BCAS1: variants seen among roughly 807,000 people sequenced by gnomAD.
The protein encoded by BCAS1 is breast carcinoma-amplified sequence 1.
A neutral mutation model predicts 65.4 loss-of-function variants in BCAS1; 46 were observed. That is an observed-to-expected ratio of 0.70 (90% CI 0.55 to 0.90). The LOEUF (loss-of-function observed/expected upper bound fraction) is 0.90. Ranked by LOEUF, BCAS1 falls within the 40% of genes least tolerant of loss-of-function variation. The pLI, the probability that BCAS1 is intolerant of heterozygous loss-of-function variation, is 0.00. For missense variants in BCAS1, 793 were observed against 771.2 expected (o/e 1.03, Z -0.33); for synonymous variants, 298 against 293.5 (o/e 1.02, Z -0.16).
At chr20:54,041,767 C>T (rs891388051) in intron 3 of BCAS1, among the ~76,000 whole-genome samples, 1 of 151,340 alleles carries the variant, frequency 6.6e-6, no homozygotes, top group Non-Finnish European at 1.5e-5. Context: ...GGCGTAGTGG[C>T]GGGCGCCTGT....
chr20:54,044,893 T>G (rs2092071462), intron 3 of BCAS1, among the ~76,000 whole-genome samples: 1 of 150,908 alleles, frequency 6.6e-6, no homozygotes. Context: ...ACTTTTAATA[T>G]TGGATAAACA....
intron 7 of BCAS1, among the ~76,000 whole-genome samples, chr20:53,990,024 T>C (rs1391345076): frequency 6.6e-6 from 1 of 152,244 alleles, no homozygotes; most frequent in Non-Finnish European, 1.5e-5. Context: ...GGAGATTGTA[T>C]GTCAAATGAC....
intron 4 of BCAS1, among the ~76,000 whole-genome samples, chr20:54,005,935 G>T (rs1190292683): frequency 6.6e-6 from 1 of 152,116 alleles, no homozygotes; most frequent in East Asian, 1.9e-4. Context: ...AGGTATGGGG[G>T]TTATGAAAAG....
intron 6 of BCAS1, 65 bp from the exon 7 acceptor site, chr20:53,992,711 G>A: frequency 7.4e-7 from 1 of 1,345,598 alleles, no homozygotes; most frequent in Non-Finnish European, 9.9e-7. Context: ...TTTGTTTTCT[G>A]TTGTTTTAAA....
chr20:54,026,396 A>T (rs529573313), intron 4 of BCAS1, among the ~76,000 whole-genome samples: 1 of 152,210 alleles, frequency 6.6e-6, no homozygotes, highest in Non-Finnish European at 1.5e-5. Flanking sequence ...CTTTTCTTAG[A>T]CTAGAAATAG....
chr20:54,047,433 C>T (rs1192862571), intron 3 of BCAS1, among the ~76,000 whole-genome samples: 2 of 152,148 alleles, frequency 1.3e-5, no homozygotes, highest in African/African-American at 4.8e-5. Flanking sequence ...CACAATAATG[C>T]AATAGGGAAG....
chr20:53,989,098 C>A (rs1222526928), intron 7 of BCAS1, among the ~76,000 whole-genome samples: 1 of 152,086 alleles, frequency 6.6e-6, no homozygotes, highest in Admixed American at 6.6e-5. Context: ...AATTACAGTG[C>A]ATTAACAGGT....
intron 3 of BCAS1, among the ~76,000 whole-genome samples, chr20:54,041,041 T>C (rs914552777): frequency 1.3e-5 from 2 of 151,382 alleles, no homozygotes; most frequent in African/African-American, 4.8e-5. Flanking sequence ...TGCTTTATAC[T>C]TGGAAGCATG....
intron 7 of BCAS1, among the ~76,000 whole-genome samples, chr20:53,990,826 T>TA (rs2090737763): frequency 6.6e-6 from 1 of 152,150 alleles, no homozygotes; most frequent in Non-Finnish European, 1.5e-5. Context: ...TACACTTACA[T>TA]AAAAAAATAC....
intron 1 of BCAS1, among the ~76,000 whole-genome samples, chr20:54,069,326 T>C (rs1400940614): frequency 6.6e-6 from 1 of 152,216 alleles, no homozygotes; most frequent in African/African-American, 2.4e-5. Flanking sequence ...AAATCAAAAT[T>C]ACCGCTGTTC....
chr20:54,059,096 T>A (rs2146335282), intron 1 of BCAS1, among the ~76,000 whole-genome samples: 1 of 152,238 alleles, frequency 6.6e-6, no homozygotes, highest in Non-Finnish European at 1.5e-5. Flanking sequence ...GAGAACAGCG[T>A]GGAGGAACCC....
intron 3 of BCAS1, among the ~76,000 whole-genome samples, chr20:54,043,795 C>T (rs903985299): frequency 2.0e-5 from 3 of 152,198 alleles, no homozygotes; most frequent in African/African-American, 7.2e-5. Flanking sequence ...TGATGTGATG[C>T]TGCTGGCCCA....
intron 1 of BCAS1, among the ~76,000 whole-genome samples, chr20:54,066,368 G>A (rs571667053): frequency 5.9e-5 from 9 of 152,314 alleles, no homozygotes; most frequent in Non-Finnish European, 8.8e-5. Context: ...CACCGGGCCC[G>A]GCCGAGGCAG....
At position 53,994,916 on chromosome 20, in the gene BCAS1, CAT is replaced by C. The variant is rs11473382; in HGVS notation, c.927+94_927+95del. On this transcript the variant is annotated intron_variant, in intron 6 of 12. Coordinates refer to ENST00000688948, the MANE Select transcript of BCAS1 (RefSeq NM_001366298.2). ...ACACACACACACACACACACACACACATATATGTATTCAAAAAACAAGCAGGC... is the reference window on the plus strand; with the variant it reads ...ACACACACACACACACACACACACACATATGTATTCAAAAAACAAGCAGGC... 9,299 of 911,046 alleles carry C rather than the reference CAT, an allele frequency of 0.01. 561 individuals are homozygous for C. In the African/African-American group the frequency reaches 0.15, roughly 15 times the overall value. The allele number at this position is 911,046 out of a possible 1,614,324, so 56.4% of individuals were successfully genotyped here.
chr20:53,972,908 C>T (rs2090218708), intron 9 of BCAS1, among the ~76,000 whole-genome samples: 1 of 152,180 alleles, frequency 6.6e-6, no homozygotes, highest in Non-Finnish European at 1.5e-5. Flanking sequence ...CAGTCTCATT[C>T]CCTCCAAGTG....
At chr20:54,040,676 A>G (rs1309586292) in intron 3 of BCAS1, among the ~76,000 whole-genome samples, 2 of 151,276 alleles carry the variant, frequency 1.3e-5, no homozygotes, top group African/African-American at 4.8e-5. Context: ...GGCCATAATC[A>G]GAGAGACAAT....
At chr20:54,059,541 G>T (rs2092351257) in intron 1 of BCAS1, among the ~76,000 whole-genome samples, 1 of 151,094 alleles carries the variant, frequency 6.6e-6, no homozygotes, top group Non-Finnish European at 1.5e-5. Flanking sequence ...TACTTACTTG[G>T]GTATATATTC....
chr20:54,043,398 A>G (rs2092037483), intron 3 of BCAS1, among the ~76,000 whole-genome samples: 1 of 152,122 alleles, frequency 6.6e-6, no homozygotes, highest in Non-Finnish European at 1.5e-5. Context: ...ACCTCACACT[A>G]TCGGAGGTTG....
chr20:54,054,178 A>G (rs1453030105), intron 3 of BCAS1, among the ~76,000 whole-genome samples: 1 of 152,136 alleles, frequency 6.6e-6, no homozygotes, highest in Non-Finnish European at 1.5e-5. Context: ...ATTACCTCCT[A>G]CTGGGTCCCT....
Sources: gnomAD v4.1 joint callset for allele counts (sites outside exome capture counted in the v4.1 genomes callset) on GRCh38, gnomAD v4.1.1 for gene constraint, MANE v1.5 for transcripts, NCBI Gene and HGNC (gene_info 2026-07-23, HGNC 2026-07-21) for gene names.